The following COL24A1 variants were observed in gnomAD, a reference collection of about 807,000 sequenced individuals.
COL24A1 encodes collagen type XXIV alpha 1 chain, also known as collagen alpha-1(XXIV) chain.
COL24A1 carries 224 observed loss-of-function variants against 253.9 expected under a neutral mutation model. That is an observed-to-expected ratio of 0.88 (90% CI 0.79 to 0.99). The LOEUF (loss-of-function observed/expected upper bound fraction) is 0.99, where lower values mean the gene tolerates loss of function less well. COL24A1 is among the 50% of genes least tolerant of loss of function. The pLI, the probability that COL24A1 is intolerant of heterozygous loss-of-function variation, is 0.00. For synonymous variants in COL24A1, 685 were observed against 673.7 expected (o/e 1.02, Z -0.26); for missense variants, 2,131 against 2,068.5 (o/e 1.03, Z -0.59).
chr1:85,792,613 T>C (rs1327408613), intron 47 of COL24A1, among the ~76,000 whole-genome samples: 1 of 149,774 alleles, frequency 6.7e-6, no homozygotes, highest in African/African-American at 2.5e-5. Context: ...GAAGCTGAGG[T>C]GAGAGAATCG....
intron 18 of COL24A1, among the ~76,000 whole-genome samples, chr1:86,021,706 G>T (rs1697553292): frequency 6.6e-6 from 1 of 151,754 alleles, no homozygotes; most frequent in Non-Finnish European, 1.5e-5. Context: ...TATTTAAATA[G>T]CTTTAATTAT....
In COL24A1 at chr1:85,868,537, T is replaced by G. The variant is rs1260606841; in HGVS notation, c.3282A>C (p.Ser1094=). The change falls in exon 37 of 60, where the codon TCA becomes TCC. Residue 1094 remains serine (S), a synonymous_variant. Transcript: ENST00000370571. ...LPGIIGPLGR[S]GQTGLPGPEG... is the part of the protein sequence containing the mutation. ...TACTTACCGGAAGGCCTGTTTGGCC[T>G]GATCTACCCAAGGGTCCTATAATTC... is the stretch of plus-strand genomic sequence containing the variant. 9 of 1,613,602 alleles carry G rather than the reference T, an allele frequency of 5.6e-6. No individual in the cohort carries two copies. The highest frequency in any genetic ancestry group is 1.3e-5 in the African/African-American group (1 of 74,908).
At chr1:85,832,999 T>C (rs1024038222) in intron 43 of COL24A1, among the ~76,000 whole-genome samples, 20 of 152,052 alleles carry the variant, frequency 1.3e-4, no homozygotes, top group Admixed American at 3.3e-4. Flanking sequence ...ATCCCTGTCT[T>C]GTGCCAGTTT....
chr1:85,771,332 A>G (rs1225950013), intron 53 of COL24A1, among the ~76,000 whole-genome samples: 2 of 151,934 alleles, frequency 1.3e-5, no homozygotes, highest in Admixed American at 6.6e-5. Flanking sequence ...ACTCCCAATT[A>G]TGAGTGAGAA....
rs574050010 is a variant in COL24A1, at chr1:86,083,102, T to C, written c.1707+6072A>G. Among the ~76,000 whole-genome samples, 343 of 152,040 alleles carry C rather than the reference T, an allele frequency of 2.3e-3. 2 individuals carry two copies. The highest frequency in any genetic ancestry group is 6.8e-3 in the Middle Eastern group (2 of 294). Reference sequence around the variant, plus strand: ...CATGAGGTCAGGAAATCGAGACCATTCTGGCTAACACGGTGAAACCCCGTC... The same window carrying C: ...CATGAGGTCAGGAAATCGAGACCATCCTGGCTAACACGGTGAAACCCCGTC... On this transcript the variant is annotated intron_variant, in intron 7 of 59. Transcript: ENST00000370571.
intron 19 of COL24A1, among the ~76,000 whole-genome samples, chr1:86,006,387 G>A (rs991258687): frequency 3.9e-5 from 6 of 152,174 alleles, no homozygotes; most frequent in Non-Finnish European, 8.8e-5. Flanking sequence ...TTTGACAAAG[G>A]AGCGAAGGCA....
intron 14 of COL24A1, among the ~76,000 whole-genome samples, chr1:86,025,669 T>C (rs1015370178): frequency 6.6e-6 from 1 of 152,166 alleles, no homozygotes; most frequent in Non-Finnish European, 1.5e-5. Context: ...AGACAAGTTG[T>C]TTACTATGCA....
chr1:85,998,366 TCA>T (rs1695063131), intron 19 of COL24A1, among the ~76,000 whole-genome samples: 2 of 152,212 alleles, frequency 1.3e-5, no homozygotes, highest in South Asian at 4.1e-4. Context: ...ATGAAAACTT[TCA>T]CAATCCACCT....
At chr1:86,093,929 C>A (rs1305958652) in intron 5 of COL24A1, among the ~76,000 whole-genome samples, 2 of 152,018 alleles carry the variant, frequency 1.3e-5, no homozygotes, top group African/African-American at 2.4e-5. Flanking sequence ...CAATTCAAAA[C>A]CACAATGAGA....
chr1:86,002,628 C>T (rs569408045), intron 19 of COL24A1, among the ~76,000 whole-genome samples: 15 of 152,236 alleles, frequency 9.9e-5, no homozygotes, highest in African/African-American at 1.4e-4. Context: ...CCACTACATA[C>T]GTGATGTCAT....
intron 31 of COL24A1, among the ~76,000 whole-genome samples, chr1:85,891,450 A>G (rs751289171): frequency 1.3e-5 from 2 of 152,182 alleles, no homozygotes; most frequent in Non-Finnish European, 2.9e-5. Flanking sequence ...TAAAAACTAA[A>G]AGGTATAAAA....
In COL24A1 at chr1:85,786,434, C is replaced by T. The variant is rs776848930; in HGVS notation, c.3979G>A (p.Gly1327Ser). Residue 1327 changes from glycine (G) to serine (S), a missense_variant, in exon 48 of 60, where the codon GGT becomes AGT. By Grantham distance (56) the Gly-to-Ser change is moderately conservative. Coordinates refer to ENST00000370571, the MANE Select transcript of COL24A1 (RefSeq NM_152890.7). ...PGIRGGPGRT[G>S]LAGAPGPPGV... is the part of the protein sequence containing the mutation. ...GGAGGACCTGGAGCCCCAGCAAGAC[C>T]TGTTCTTCCTGGGCCGCCTCTGATG... 1 of 1,613,750 alleles carries T rather than the reference C, an allele frequency of 6.2e-7. No homozygotes were observed. The highest frequency in any genetic ancestry group is 8.5e-7 in the Non-Finnish European group (1 of 1,179,830).
In COL24A1 at chr1:85,922,037, C is replaced by A. The variant is rs1400535343; in HGVS notation, c.2563-10604G>T. Among the ~76,000 whole-genome samples the A allele has an allele frequency of 8.5e-5, 13 of 152,116 alleles. No homozygotes were observed. The East Asian group carries it at 2.5e-3, about 29-fold the overall frequency. ...GTGACGCATGCACAAGCTTCAATAG[C>A]TGATTCGATCTAGTGGAAGAAAGAG... On this transcript the variant is annotated intron_variant, in intron 24 of 59. Transcript: ENST00000370571.
intron 7 of COL24A1, among the ~76,000 whole-genome samples, chr1:86,072,790 C>G (rs529849041): frequency 2.0e-5 from 3 of 152,270 alleles, no homozygotes; most frequent in African/African-American, 7.2e-5. Flanking sequence ...GAGGAAGGAG[C>G]AGGCAGCAAT....
intron 24 of COL24A1, among the ~76,000 whole-genome samples, chr1:85,932,123 A>G (rs1687792444): frequency 1.1e-5 from 1 of 92,000 alleles, no homozygotes; most frequent in Non-Finnish European, 2.2e-5. Context: ...GCACAGCAAA[A>G]GAAACTACCA....
chr1:85,858,628 C>CTTCCTTCCTTCT (rs796696905), intron 37 of COL24A1, among the ~76,000 whole-genome samples: 3,869 of 116,616 alleles, frequency 0.033, 183 homozygotes, highest in Admixed American at 0.052. Context: ...TCCCTCCTTC[C>CTTCCTTCCTTCT]TTCCTTCCTT....
chr1:85,870,521 C>A (rs1371017547), intron 35 of COL24A1, among the ~76,000 whole-genome samples: 2 of 152,170 alleles, frequency 1.3e-5, no homozygotes, highest in Admixed American at 6.5e-5. Context: ...TGCAATCAAA[C>A]TAGAACTCAG....
At chr1:85,896,726 C>T (rs1250471781) in intron 28 of COL24A1, among the ~76,000 whole-genome samples, 1 of 152,156 alleles carries the variant, frequency 6.6e-6, no homozygotes, top group African/African-American at 2.4e-5. Context: ...TCTTGATCTC[C>T]TGACCTCGTG....
At chr1:86,012,082 G>C (rs1696543726) in intron 19 of COL24A1, among the ~76,000 whole-genome samples, 1 of 151,698 alleles carries the variant, frequency 6.6e-6, no homozygotes. Context: ...GCCACCCAAA[G>C]TGCTGGGATT....
Sources: gnomAD v4.1 joint callset for allele counts (sites outside exome capture counted in the v4.1 genomes callset) on GRCh38, gnomAD v4.1.1 for gene constraint, MANE v1.5 for transcripts, NCBI Gene and HGNC (gene_info 2026-07-23, HGNC 2026-07-21) for gene names.